Variants in TAF1B observed in about 807,000 individuals in gnomAD.
TAF1B encodes the protein TATA box-binding protein-associated factor RNA polymerase I subunit B.
A neutral mutation model predicts 83.9 loss-of-function variants in TAF1B; 61 were observed. The observed-to-expected ratio is 0.73, with a 90% CI of 0.59 to 0.90. The LOEUF is 0.90. Among genes scored for constraint, TAF1B ranks in the 40% least tolerant of loss-of-function variants. TAF1B has a pLI of 0.00. For synonymous variants in TAF1B, 221 were observed against 224.6 expected, an observed-to-expected ratio of 0.98 and a Z score of 0.14; for missense variants, 625 against 677.0, an observed-to-expected ratio of 0.92 and a Z score of 0.85.
chr2:9,851,518 A>C (rs1465808741), intron 3 of TAF1B, 23 bp from the exon 4 acceptor site: 2 of 1,569,336 alleles, frequency 1.3e-6, no homozygotes, highest in African/African-American at 2.7e-5. Context: ...TGTATATGCT[A>C]AAACATGCTA....
At chr2:9,855,407 A>G (rs1197231806) in intron 5 of TAF1B, among the ~76,000 whole-genome samples, 5 of 152,174 alleles carry the variant, frequency 3.3e-5, no homozygotes, top group African/African-American at 7.2e-5. Flanking sequence ...GCTGAGTGTT[A>G]ATGACTCATA....
At chr2:9,872,030 A>G (rs1664181738) in intron 6 of TAF1B, among the ~76,000 whole-genome samples, 1 of 152,064 alleles carries the variant, frequency 6.6e-6, no homozygotes, top group Non-Finnish European at 1.5e-5. Context: ...GATTTGGGAT[A>G]AGAATCTGGA....
chr2:9,897,917 A>G (rs1665064229), intron 8 of TAF1B, among the ~76,000 whole-genome samples: 2 of 152,224 alleles, frequency 1.3e-5, no homozygotes, highest in South Asian at 4.2e-4. Context: ...CTTCCCTCCC[A>G]GACAGCATGA....
chr2:9,903,183 T>G (rs1227408260), intron 8 of TAF1B, among the ~76,000 whole-genome samples: 2 of 152,294 alleles, frequency 1.3e-5, no homozygotes, highest in African/African-American at 4.8e-5. Flanking sequence ...CCTCCTGGGT[T>G]CACGCCATTC....
At chr2:9,847,686 A>C (rs1350081856) in intron 2 of TAF1B, among the ~76,000 whole-genome samples, 3 of 152,254 alleles carry the variant, frequency 2.0e-5, no homozygotes, top group African/African-American at 7.2e-5. Context: ...CAATTTAGAC[A>C]ATAGATATTT....
intron 14 of TAF1B, 137 bp downstream of exon 14, chr2:9,919,957 G>A: frequency 1.3e-6 from 1 of 780,212 alleles, no homozygotes; most frequent in Non-Finnish European, 2.0e-6. Flanking sequence ...GTCTTGTGTA[G>A]GAGTTCTAGG....
chr2:9,846,285 C>G (rs1202438245), intron 2 of TAF1B: 1 of 364,272 alleles, frequency 2.7e-6, no homozygotes, highest in Non-Finnish European at 5.4e-6. Context: ...AACGAGGCTA[C>G]CTTCACATTG....
At chr2:9,856,946 G>A (rs747578580) in intron 5 of TAF1B, among the ~76,000 whole-genome samples, 29 of 152,162 alleles carry the variant, frequency 1.9e-4, no homozygotes, top group Admixed American at 5.2e-4. Flanking sequence ...TAGTGCTTTG[G>A]AGATAACTGT....
intron 1 of TAF1B, chr2:9,844,383 C>A (rs1663133277): frequency 6.6e-6 from 1 of 151,970 alleles, no homozygotes; most frequent in Non-Finnish European, 1.5e-5. Flanking sequence ...GTATTGAACT[C>A]CTGGGCTCAG....
chr2:9,888,858 C>T (rs1007318272), intron 8 of TAF1B, among the ~76,000 whole-genome samples: 6 of 136,592 alleles, frequency 4.4e-5, no homozygotes, highest in Non-Finnish European at 4.5e-5. Context: ...GGCTGGAGTG[C>T]AGTGGCATGA....
At chr2:9,845,411 A>C in intron 2 of TAF1B, 93 bp downstream of exon 2, 1 of 1,019,206 alleles carries the variant, frequency 9.8e-7, no homozygotes, top group South Asian at 1.4e-5. Context: ...AATTGGGTTG[A>C]TTTTTGTCAC....
intron 8 of TAF1B, among the ~76,000 whole-genome samples, chr2:9,889,937 T>G (rs948950530): frequency 6.6e-6 from 1 of 152,192 alleles, no homozygotes; most frequent in Non-Finnish European, 1.5e-5. Context: ...TTCCTGTTAT[T>G]TTTTTCCCTG....
chr2:9,865,340 G>A (rs1251446253), intron 5 of TAF1B, among the ~76,000 whole-genome samples: 2 of 152,122 alleles, frequency 1.3e-5, no homozygotes, highest in South Asian at 2.1e-4. Context: ...CCCATTCACA[G>A]TTGCTTCAAA....
intron 8 of TAF1B, among the ~76,000 whole-genome samples, chr2:9,884,261 C>G (rs925660486): frequency 2.0e-5 from 3 of 152,200 alleles, no homozygotes; most frequent in African/African-American, 7.2e-5. Flanking sequence ...ACCACAGGGC[C>G]TCAAAGAGGG....
intron 8 of TAF1B, among the ~76,000 whole-genome samples, chr2:9,884,398 T>C (rs1451147492): frequency 1.3e-5 from 2 of 152,218 alleles, no homozygotes; most frequent in Non-Finnish European, 2.9e-5. Context: ...GTGTTACAAC[T>C]GTTTTAGCCT....
Position 9,934,079 on chromosome 2 carries a change from C to CAT in TAF1B, c.*102_*103dup, listed in dbSNP as rs1666302541. The CAT allele has an allele frequency of 2.0e-6, 2 of 978,788 alleles. No individual in the cohort carries two copies. Among genetic ancestry groups the CAT allele is most frequent in the East Asian group, 5.3e-5 (2 of 38,002 alleles). 60.6% of individuals were successfully genotyped at this position (978,788 alleles called of 1,614,324 possible). On this transcript the variant is annotated 3_prime_UTR_variant, in exon 15 of 15. Coordinates refer to ENST00000263663, the MANE Select transcript of TAF1B (RefSeq NM_005680.3). ...TTCCAGAGAATTGTGGAAAATACTGCATATATATGTATAGACTCTGACACA... is the reference window on the plus strand; with the variant it reads ...TTCCAGAGAATTGTGGAAAATACTGCATATATATATGTATAGACTCTGACACA...
At chr2:9,874,951 C>T (rs1558243891) in intron 6 of TAF1B, among the ~76,000 whole-genome samples, 2 of 151,516 alleles carry the variant, frequency 1.3e-5, no homozygotes, top group Admixed American at 6.6e-5. Flanking sequence ...AAAATTCAAA[C>T]GTTCAAATTC....
In TAF1B at chr2:9,929,189, C is replaced by T. The variant is rs150818395; in HGVS notation, c.1566-4594C>T. 7.4e-3 allele frequency among the ~76,000 whole-genome samples: 957 copies of T among 129,776 alleles called. 16 individuals carry two copies. Among genetic ancestry groups the T allele is most frequent in the African/African-American group, 0.029 (892 of 30,890 alleles). 85.1% of individuals were successfully genotyped at this position (129,776 alleles called of 152,430 possible). On this transcript the variant is annotated intron_variant, in intron 14 of 14. Coordinates refer to ENST00000263663, the MANE Select transcript of TAF1B (RefSeq NM_005680.3). ...TTGTTGTTGTTTAGAGACGGAGTCT[C>T]GCTCTGTCGCCCAGGCTGGAGTGCA...
At chr2:9,928,862 G>T (rs1340077270) in intron 14 of TAF1B, among the ~76,000 whole-genome samples, 1 of 152,132 alleles carries the variant, frequency 6.6e-6, no homozygotes, top group Non-Finnish European at 1.5e-5. Context: ...TCTTTCTCCT[G>T]CCTGATTGCC....
Sources: allele counts gnomAD v4.1 joint callset (sites outside exome capture counted in the v4.1 genomes callset), GRCh38; gene constraint gnomAD v4.1.1; transcripts MANE v1.5; gene names NCBI Gene and HGNC (gene_info 2026-07-23, HGNC 2026-07-21).